The following KATNAL1 variants were observed in gnomAD, a reference collection of about 807,000 sequenced individuals.
KATNAL1 encodes the protein katanin catalytic subunit A1 like 1, also known as katanin p60 ATPase-containing subunit A-like 1.
A neutral mutation model predicts 55.2 loss-of-function variants in KATNAL1; 32 were observed. The ratio of observed to expected loss-of-function variants is 0.58; its 90% CI spans 0.44 to 0.78. The LOEUF (loss-of-function observed/expected upper bound fraction) is 0.78, where lower values mean the gene tolerates loss of function less well. Ranked by LOEUF, KATNAL1 falls within the 30% of genes least tolerant of loss-of-function variation. KATNAL1 has a pLI of 0.00. For synonymous variants in KATNAL1, 193 were observed against 193.6 expected (o/e 1.00, Z 0.02); for missense variants, 466 against 600.9 (o/e 0.78, Z 2.35).
chr13:30,225,647 T>TACACACAC (rs57630828), intron 9 of KATNAL1, among the ~76,000 whole-genome samples: 129 of 146,756 alleles, frequency 8.8e-4, no homozygotes, highest in African/African-American at 2.6e-3. Flanking sequence ...ATGACTCATC[T>TACACACAC]ACACACACAC....
intron 1 of KATNAL1, among the ~76,000 whole-genome samples, chr13:30,304,268 C>CTTT (rs35058135): frequency 1.4e-5 from 2 of 140,046 alleles, no homozygotes; most frequent in African/African-American, 5.2e-5. Context: ...ACACACAACT[C>CTTT]TTTTTTTTTT....
chr13:30,239,357 C>G (rs111998719), intron 6 of KATNAL1, among the ~76,000 whole-genome samples: 2,739 of 152,190 alleles, frequency 0.018, 34 homozygotes, highest in Non-Finnish European at 0.026. Flanking sequence ...TTGCAGTGAG[C>G]CAAGATCATG....
Position 30,210,350 on chromosome 13 carries a change from C to T in KATNAL1, c.1240G>A (p.Gly414Ser). Residue 414 changes from glycine (G) to serine (S), a missense_variant, in exon 10 of 11, where the codon GGC (glycine) becomes AGC (serine). Gly to Ser is a moderately conservative substitution (Grantham distance 56). Coordinates refer to ENST00000380615, the MANE Select transcript of KATNAL1 (RefSeq NM_032116.5). ...TTAGTGATGTCAGCACCAGAATAGC[C>T]CTCAATCTTCTCGGCTATATCTTCC... ...QLEDIAEKIEGYSGADITNVC... is the reference protein window; with the variant it reads ...QLEDIAEKIESYSGADITNVC... 6.2e-7 allele frequency: 1 copy of T among 1,608,462 alleles called. No homozygotes were observed. Among genetic ancestry groups the T allele is most frequent in the East Asian group, 2.3e-5 (1 of 44,362 alleles).
In KATNAL1 at chr13:30,255,817, T is replaced by G. The variant is rs144961350; in HGVS notation, c.324-202A>C. Among the ~76,000 whole-genome samples the G allele has an allele frequency of 3.1e-3, 472 of 152,170 alleles. 2 individuals carry two copies. Among genetic ancestry groups the G allele is most frequent in the African/African-American group, 0.011 (450 of 41,526 alleles). ...TTCTAAAATATACTGGCTGATACAA[T>G]TATTAAATACACACAAATGACACAT... On this transcript the variant is annotated intron_variant, in intron 3 of 10. Coordinates refer to ENST00000380615, the MANE Select transcript of KATNAL1 (RefSeq NM_032116.5).
intron 3 of KATNAL1, among the ~76,000 whole-genome samples, chr13:30,274,896 C>CGCGCGCGTGT (rs1173530672): frequency 9.9e-6 from 1 of 100,612 alleles, no homozygotes; most frequent in African/African-American, 4.6e-5. Flanking sequence ...CACATACGCG[C>CGCGCGCGTGT]GCGCGCGCGC....
intron 1 of KATNAL1, among the ~76,000 whole-genome samples, chr13:30,302,123 T>A (rs1012107565): frequency 6.6e-6 from 1 of 152,148 alleles, no homozygotes; most frequent in African/African-American, 2.4e-5. Context: ...TTTCTGCCCC[T>A]CTCAGCCTCC....
chr13:30,204,106 T>C lies in KATNAL1; in HGVS notation c.*4434A>G, dbSNP rs995514996. ...TTCTCAGGTTCACACAAATATTACG[T>C]GCATCACAAATTAAGTGGTTTCTTT... On this transcript the variant is annotated 3_prime_UTR_variant, in exon 11 of 11. Coordinates refer to ENST00000380615, the MANE Select transcript of KATNAL1 (RefSeq NM_032116.5). 14 of 152,142 alleles carry C rather than the reference T, an allele frequency of 9.2e-5. No individual in the cohort carries two copies. Among genetic ancestry groups the C allele is most frequent in the African/African-American group, 3.4e-4 (14 of 41,446 alleles). The allele number at this position is 152,142 out of a possible 1,614,324, so 9.4% of individuals were successfully genotyped here.
intron 3 of KATNAL1, among the ~76,000 whole-genome samples, chr13:30,274,879 GTGCACACACATA>G: frequency 1.4e-5 from 2 of 142,724 alleles, no homozygotes; most frequent in African/African-American, 2.6e-5. Context: ...GGCGGGGTGT[GTGCACACACATA>G]CGCGCGCGCG....
rs574858846 is a variant in KATNAL1 at position 30,297,929 on chromosome 13, G to A, written c.-15+9402C>T. Among the ~76,000 whole-genome samples the A allele has an allele frequency of 2.0e-5, 3 of 152,258 alleles. No individual in the cohort carries two copies. In the East Asian group the frequency reaches 5.8e-4, roughly 29 times the overall value. On this transcript the variant is annotated intron_variant, in intron 1 of 10. Coordinates refer to ENST00000380615, the MANE Select transcript of KATNAL1 (RefSeq NM_032116.5). Reference sequence around the variant, plus strand: ...TTTGGCTACTACACTCACTCTCTGGGTGACGGGATCATTCATATCCCAAAC... The same window carrying A: ...TTTGGCTACTACACTCACTCTCTGGATGACGGGATCATTCATATCCCAAAC...
chr13:30,304,732 G>A (rs1289824250), intron 1 of KATNAL1, among the ~76,000 whole-genome samples: 1 of 152,064 alleles, frequency 6.6e-6, no homozygotes, highest in African/African-American at 2.4e-5. Context: ...AGACTAAAAT[G>A]CACCTCCACC....
At chr13:30,241,468 A>G (rs1290854089) in intron 4 of KATNAL1, among the ~76,000 whole-genome samples, 10 of 152,234 alleles carry the variant, frequency 6.6e-5, no homozygotes, top group Non-Finnish European at 1.5e-5. Context: ...TAAGACCATT[A>G]AAGCAATATG....
At chr13:30,212,011 T>C (rs1355080328) in intron 9 of KATNAL1, among the ~76,000 whole-genome samples, 1 of 152,082 alleles carries the variant, frequency 6.6e-6, no homozygotes, top group Non-Finnish European at 1.5e-5. Flanking sequence ...CAGCTGACTA[T>C]CCACAGGGAA....
intron 1 of KATNAL1, among the ~76,000 whole-genome samples, chr13:30,303,112 A>G (rs1437302578): frequency 6.6e-6 from 1 of 152,238 alleles, no homozygotes; most frequent in Non-Finnish European, 1.5e-5. Context: ...TTTTACAATT[A>G]CTAATGGACA....
chr13:30,211,980 T>C (rs1873735171), intron 9 of KATNAL1, among the ~76,000 whole-genome samples: 1 of 152,102 alleles, frequency 6.6e-6, no homozygotes, highest in Non-Finnish European at 1.5e-5. Flanking sequence ...AGGAGTGTCT[T>C]TTCAATTAAT....
intron 1 of KATNAL1, among the ~76,000 whole-genome samples, chr13:30,303,419 G>A (rs1393159741): frequency 1.3e-5 from 2 of 152,122 alleles, no homozygotes; most frequent in South Asian, 2.1e-4. Context: ...AAATAATGTT[G>A]AGCCGGGTGT....
chr13:30,274,892 C>CGT (rs1566122285), intron 3 of KATNAL1, among the ~76,000 whole-genome samples: 11 of 88,156 alleles, frequency 1.2e-4, no homozygotes, highest in African/African-American at 5.4e-4. Flanking sequence ...CACACACATA[C>CGT]GCGCGCGCGC....
Position 30,203,835 on chromosome 13 carries a change from A to G in KATNAL1, c.*4705T>C, listed in dbSNP as rs1277785065. Reference sequence around the variant, plus strand: ...ATATATCTATTATCCTAATAATTTGATTATTAAAATACACAATTTCCACAT... The same window carrying G: ...ATATATCTATTATCCTAATAATTTGGTTATTAAAATACACAATTTCCACAT... On this transcript the variant is annotated 3_prime_UTR_variant, in exon 11 of 11. Coordinates refer to ENST00000380615, the MANE Select transcript of KATNAL1 (RefSeq NM_032116.5). 6.6e-6 allele frequency: 1 copy of G among 152,166 alleles called. No homozygotes were observed. The highest frequency in any genetic ancestry group is 2.4e-5 in the African/African-American group (1 of 41,448). 9.4% of individuals were successfully genotyped at this position (152,166 alleles called of 1,614,324 possible). A position where few individuals can be genotyped will look rare whatever the true frequency, so the allele number is the denominator to read the frequency against.
At chr13:30,267,850 G>T (rs563179190) in intron 3 of KATNAL1, among the ~76,000 whole-genome samples, 1 of 152,154 alleles carries the variant, frequency 6.6e-6, no homozygotes, top group East Asian at 1.9e-4. Flanking sequence ...TCAGACATCC[G>T]AGGGCTGGAG....
Position 30,231,452 on chromosome 13 carries a change from G to T in KATNAL1, c.747C>A (p.Pro249=). 6.3e-7 allele frequency: 1 copy of T among 1,574,982 alleles called. No homozygotes were observed. Among genetic ancestry groups the T allele is most frequent in the South Asian group, 1.2e-5 (1 of 81,792 alleles). ...RPWKGVLMVG[P]PGTGKTMLAK... ...CTAGCATAGTTTTACCAGTGCCTGG[G>T]GGTCCAACCATCAGTACACCCTGAA... Residue 249 remains proline, a synonymous_variant, in exon 7 of 11, where the codon CCC becomes CCA. Coordinates refer to ENST00000380615, the MANE Select transcript of KATNAL1 (RefSeq NM_032116.5).
Sources: gnomAD v4.1 joint callset for allele counts (sites outside exome capture counted in the v4.1 genomes callset) on GRCh38, gnomAD v4.1.1 for gene constraint, MANE v1.5 for transcripts, NCBI Gene and HGNC (gene_info 2026-07-23, HGNC 2026-07-21) for gene names.